The following PDE4B variants were observed in gnomAD, a reference collection of about 807,000 sequenced individuals.
PDE4B encodes the protein phosphodiesterase 4B, also known as 3',5'-cyclic-AMP phosphodiesterase 4B.
PDE4B carries 20 observed loss-of-function variants against 82.2 expected under a neutral mutation model. The ratio of observed to expected loss-of-function variants is 0.24; its 90% confidence interval spans 0.17 to 0.35. The LOEUF is 0.35. PDE4B is among the 10% of genes least tolerant of loss of function. The pLI is 1.00. For synonymous variants in PDE4B, 320 were observed against 318.9 expected (o/e 1.00, Z -0.04); for missense variants, 655 against 907.2 (o/e 0.72, Z 3.57).
chr1:66,109,784 A>G (rs1168607003), intron 3 of PDE4B, among the ~76,000 whole-genome samples: 1 of 151,914 alleles, frequency 6.6e-6, no homozygotes, highest in Non-Finnish European at 1.5e-5. Flanking sequence ...CTTCTAATGT[A>G]CCCATCACCC....
At chr1:66,217,059 C>T (rs563581595) in intron 3 of PDE4B, among the ~76,000 whole-genome samples, 150 of 152,162 alleles carry the variant, frequency 9.9e-4, no homozygotes, top group Non-Finnish European at 1.7e-3. Context: ...AGTTTATTCT[C>T]CCAGCATAAA....
chr1:66,058,791 C>T lies in PDE4B; in HGVS notation c.281+139956C>T, dbSNP rs925220141. ...CATGAAACCATTTTTTCCCCCTAGA[C>T]CTCCAGTAAAGGAAGGGGAGGGGCT... is the stretch of plus-strand genomic sequence containing the variant. On this transcript the variant is annotated intron_variant, in intron 3 of 16. Transcript: ENST00000341517. Among the ~76,000 whole-genome samples, 9 of 152,326 alleles carry T rather than the reference C, an allele frequency of 5.9e-5. No individual in the cohort carries two copies. In the East Asian group the frequency reaches 1.7e-3, roughly 29 times the overall value.
intron 3 of PDE4B, among the ~76,000 whole-genome samples, chr1:65,941,563 T>C (rs1043778147): frequency 3.3e-5 from 5 of 151,760 alleles, no homozygotes; most frequent in African/African-American, 4.8e-5. Flanking sequence ...CCTCATGAAA[T>C]AGAGTTACTG....
At chr1:65,891,048 G>A (rs561061526) in intron 1 of PDE4B, among the ~76,000 whole-genome samples, 5 of 152,064 alleles carry the variant, frequency 3.3e-5, no homozygotes, top group Admixed American at 6.6e-5. Context: ...AGTACCAGAT[G>A]AAAATGGGAA....
chr1:66,225,003 A>G lies in PDE4B; in HGVS notation c.282-22457A>G, dbSNP rs141837245. On this transcript the variant is annotated intron_variant, in intron 3 of 16. Transcript: ENST00000341517. ...CCAATGTGTTCTGCCTTTTCTTTGGACACAATTCATGAACCATATCCAGCA... is the reference window on the plus strand; with the variant it reads ...CCAATGTGTTCTGCCTTTTCTTTGGGCACAATTCATGAACCATATCCAGCA... Among the ~76,000 whole-genome samples the G allele has an allele frequency of 3.0e-4, 45 of 152,306 alleles. No homozygotes were observed. In the East Asian group the frequency reaches 6.0e-3, roughly 20 times the overall value.
At chr1:65,848,470 T>TGC (rs1444333547) in intron 1 of PDE4B, among the ~76,000 whole-genome samples, 10 of 152,086 alleles carry the variant, frequency 6.6e-5, no homozygotes, top group African/African-American at 2.2e-4. Flanking sequence ...GACATATATG[T>TGC]CTGTGAAATG....
intron 7 of PDE4B, among the ~76,000 whole-genome samples, chr1:66,269,936 G>A (rs916846916): frequency 4.6e-5 from 7 of 152,158 alleles, no homozygotes; most frequent in Non-Finnish European, 7.3e-5. Flanking sequence ...ATAAGGTGGG[G>A]TGCTCTCTAC....
chr1:66,025,600 G>T (rs72667434), intron 3 of PDE4B, among the ~76,000 whole-genome samples: 2,037 of 152,280 alleles, frequency 0.013, 27 homozygotes, highest in Non-Finnish European at 0.019. Context: ...CACAGGTTTA[G>T]CTTGAGACTG....
At chr1:65,877,480 T>TG (rs1393242049) in intron 1 of PDE4B, among the ~76,000 whole-genome samples, 1 of 151,978 alleles carries the variant, frequency 6.6e-6, no homozygotes, top group African/African-American at 2.4e-5. Context: ...CTGGGCGTGG[T>TG]GGCAGGCGCC....
intron 1 of PDE4B, among the ~76,000 whole-genome samples, chr1:65,793,681 TG>T (rs1645599830): frequency 6.6e-6 from 1 of 152,136 alleles, no homozygotes; most frequent in Non-Finnish European, 1.5e-5. Context: ...GGCTCCAGGA[TG>T]CTCCTGCGTG....
chr1:66,035,934 G>A (rs12027897), intron 3 of PDE4B, among the ~76,000 whole-genome samples: 1 of 152,164 alleles, frequency 6.6e-6, no homozygotes, highest in Non-Finnish European at 1.5e-5. Flanking sequence ...AGTTTCCAAA[G>A]TGGCTGTACT....
chr1:65,931,416 T>A (rs1420893465), intron 3 of PDE4B, among the ~76,000 whole-genome samples: 1 of 152,170 alleles, frequency 6.6e-6, no homozygotes, highest in Non-Finnish European at 1.5e-5. Flanking sequence ...TTACAAAATA[T>A]CCTACAGACT....
intron 3 of PDE4B, among the ~76,000 whole-genome samples, chr1:66,201,453 T>G (rs888456200): frequency 1.3e-5 from 2 of 152,160 alleles, no homozygotes; most frequent in South Asian, 2.1e-4. Flanking sequence ...CTGGTAGAAT[T>G]TGGCTGTGAA....
chr1:66,039,118 G>A (rs1335817630), intron 3 of PDE4B, among the ~76,000 whole-genome samples: 1 of 151,898 alleles, frequency 6.6e-6, no homozygotes, highest in African/African-American at 2.4e-5. Context: ...TCATGGGCTT[G>A]GAGAGTTGTT....
In PDE4B at chr1:66,041,762, T is replaced by C. The variant is rs142206155; in HGVS notation, c.281+122927T>C. ...CCTCTCTTTCTGGGTCATGAATAAC[T>C]TGAGGAGGAAGAATCTATTTTACTT... On this transcript the variant is annotated intron_variant, in intron 3 of 16. Transcript: ENST00000341517. 2.1e-4 allele frequency among the ~76,000 whole-genome samples: 32 copies of C among 150,870 alleles called. No individual in the cohort carries two copies. In the East Asian group the frequency reaches 6.2e-3, roughly 29 times the overall value.
intron 8 of PDE4B, among the ~76,000 whole-genome samples, chr1:66,336,229 C>G (rs1660504689): frequency 6.6e-6 from 1 of 152,120 alleles, no homozygotes; most frequent in Non-Finnish European, 1.5e-5. Flanking sequence ...TTTCCTGTCT[C>G]CTTCCTGACA....
intron 3 of PDE4B, among the ~76,000 whole-genome samples, chr1:66,065,907 A>G (rs1170187037): frequency 6.6e-6 from 1 of 151,818 alleles, no homozygotes; most frequent in Non-Finnish European, 1.5e-5. Flanking sequence ...CTTAGGTGCT[A>G]GGGTTTTACT....
intron 3 of PDE4B, among the ~76,000 whole-genome samples, chr1:66,189,988 A>G (rs184554265): frequency 9.6e-4 from 146 of 152,036 alleles, no homozygotes; most frequent in African/African-American, 3.4e-3. Flanking sequence ...GTCTTTGATG[A>G]TGGTGATGAA....
intron 3 of PDE4B, among the ~76,000 whole-genome samples, chr1:65,988,725 G>C (rs916380464): frequency 6.6e-6 from 1 of 151,918 alleles, no homozygotes; most frequent in Non-Finnish European, 1.5e-5. Context: ...TTTACAATAA[G>C]TGGGAACCAT....
Sources: allele counts gnomAD v4.1 joint callset (sites outside exome capture counted in the v4.1 genomes callset), GRCh38; gene constraint gnomAD v4.1.1; transcripts MANE v1.5; gene names NCBI Gene and HGNC (gene_info 2026-07-23, HGNC 2026-07-21).